Variants in MMRN1 observed in about 807,000 individuals in gnomAD.
MMRN1 encodes the protein multimerin 1, also known as multimerin-1.
A neutral mutation model predicts 100.7 loss-of-function variants in MMRN1; 94 were observed. The observed-to-expected ratio is 0.93, with a 90% CI of 0.79 to 1.11. The LOEUF is 1.11. Among genes scored for constraint, MMRN1 ranks in the 50% least tolerant of loss-of-function variants. The pLI is 0.00. For missense variants in MMRN1, 1,606 were observed against 1,439.1 expected (o/e 1.12, Z -1.88); for synonymous variants, 575 against 505.0 (o/e 1.14, Z -1.86).
chr4:89,935,548 A>C lies in MMRN1; in HGVS notation c.1868A>C (p.Glu623Ala), dbSNP rs1326769111. 1 of 1,613,266 alleles carries C rather than the reference A, an allele frequency of 6.2e-7. No homozygotes were observed. The highest frequency in any genetic ancestry group is 8.5e-7 in the Non-Finnish European group (1 of 1,179,678). Residue 623 changes from glutamate (E) to alanine (A), a missense_variant, in exon 6 of 8, where the codon GAA (glutamate) becomes GCA (alanine). Physicochemically the swap from Glu to Ala is moderately radical, Grantham distance 107. Transcript: ENST00000264790. ...CATGTGTTAAATCAAACATTGGCTG[A>C]AGTTCTCTTTCCAATGGACAATAAG... ...NLHVLNQTLA[E>A]VLFPMDNKMD...
At chr4:89,946,005 A>AT (rs1722974331) in intron 6 of MMRN1, among the ~76,000 whole-genome samples, 1 of 152,246 alleles carries the variant, frequency 6.6e-6, no homozygotes, top group Non-Finnish European at 1.5e-5. Context: ...TGAAAACTTA[A>AT]TAAAAACAAA....
At chr4:89,905,273 G>T (rs1721529154) in intron 1 of MMRN1, among the ~76,000 whole-genome samples, 1 of 151,300 alleles carries the variant, frequency 6.6e-6, no homozygotes, top group Admixed American at 6.6e-5. Context: ...GTTTTGTTTG[G>T]TTGTATTTTC....
chr4:89,895,738 T>C (rs1032128133), intron 1 of MMRN1, 144 bp downstream of exon 1: 5 of 1,374,506 alleles, frequency 3.6e-6, no homozygotes, highest in Non-Finnish European at 2.9e-6. Flanking sequence ...TTCAGTTAGA[T>C]AAAGTTATTG....
At chr4:89,931,073 A>G (rs560446317) in intron 5 of MMRN1, among the ~76,000 whole-genome samples, 22 of 152,206 alleles carry the variant, frequency 1.4e-4, no homozygotes, top group African/African-American at 5.3e-4. Context: ...TTTCCATTAC[A>G]TACAAATTGA....
Position 89,921,828 on chromosome 4 carries a change from C to A in MMRN1, c.851-1340C>A, listed in dbSNP as rs562082412. 7.2e-5 allele frequency among the ~76,000 whole-genome samples: 11 copies of A among 152,192 alleles called. No individual in the cohort carries two copies. In the South Asian group the frequency reaches 2.1e-3, roughly 29 times the overall value. ...CAATATAGACTCACCCAAATTAATGCCAAATATACTTCCTGTGGAGTAGAG... is the reference window on the plus strand; with the variant it reads ...CAATATAGACTCACCCAAATTAATGACAAATATACTTCCTGTGGAGTAGAG... On this transcript the variant is annotated intron_variant, in intron 3 of 7. Coordinates refer to ENST00000264790, the MANE Select transcript of MMRN1 (RefSeq NM_007351.3).
At chr4:89,938,942 C>T (rs953635666) in intron 6 of MMRN1, among the ~76,000 whole-genome samples, 2 of 151,966 alleles carry the variant, frequency 1.3e-5, no homozygotes, top group Non-Finnish European at 2.9e-5. Context: ...GCCGGGCCAG[C>T]AACATAATGT....
upstream of MMRN1, among the ~76,000 whole-genome samples, chr4:89,890,126 A>G (rs1721018577): frequency 6.6e-6 from 1 of 151,818 alleles, no homozygotes; most frequent in Non-Finnish European, 1.5e-5. Flanking sequence ...GACTACCCCA[A>G]CAGAAGAATG....
chr4:89,880,548 T>C (rs1720794358), intron 1 of MMRN1, among the ~76,000 whole-genome samples: 1 of 152,122 alleles, frequency 6.6e-6, no homozygotes, highest in Non-Finnish European at 1.5e-5. Context: ...GAAGGCTCTG[T>C]GGTGCTTAGA....
intron 1 of MMRN1, among the ~76,000 whole-genome samples, chr4:89,887,205 T>C (rs539259976): frequency 6.6e-6 from 1 of 152,218 alleles, no homozygotes; most frequent in East Asian, 1.9e-4. Context: ...AGGATCAATA[T>C]TGTTAAAGTG....
chr4:89,943,436 A>G (rs1274945750), intron 6 of MMRN1, among the ~76,000 whole-genome samples: 2 of 152,180 alleles, frequency 1.3e-5, no homozygotes, highest in Non-Finnish European at 2.9e-5. Context: ...ACTTTCCTAG[A>G]TGGATGCTAC....
At chr4:89,903,510 G>C (rs962320187) in intron 1 of MMRN1, among the ~76,000 whole-genome samples, 1 of 151,722 alleles carries the variant, frequency 6.6e-6, no homozygotes, top group Non-Finnish European at 1.5e-5. Context: ...CAAAACAGGA[G>C]CTGTGTTTCT....
In MMRN1 at chr4:89,951,760, A is replaced by C; in HGVS notation, c.3265+9A>C. 1 of 1,611,202 alleles carries C rather than the reference A, an allele frequency of 6.2e-7. No homozygotes were observed. Among genetic ancestry groups the C allele is most frequent in the Non-Finnish European group, 8.5e-7 (1 of 1,178,912 alleles). ...AAATGCTTTAGCTCCAGGTAAAAAA[A>C]AAGTATACGCATCTTTGGATTTGCT... On this transcript the variant is annotated intron_variant, in intron 7 of 7. Coordinates refer to ENST00000264790, the MANE Select transcript of MMRN1 (RefSeq NM_007351.3).
chr4:89,900,342 G>A (rs1335087866), intron 1 of MMRN1, among the ~76,000 whole-genome samples: 2 of 152,008 alleles, frequency 1.3e-5, no homozygotes, highest in East Asian at 3.9e-4. Context: ...AACATGTCAA[G>A]TTAATATCTC....
intron 7 of MMRN1, among the ~76,000 whole-genome samples, chr4:89,952,607 T>C (rs1349398048): frequency 1.3e-5 from 2 of 152,218 alleles, no homozygotes; most frequent in African/African-American, 4.8e-5. Context: ...TTCTACATCA[T>C]GTCAGCTTCA....
At chr4:89,912,136 C>A in intron 3 of MMRN1, 86 bp downstream of exon 3, 1 of 951,736 alleles carries the variant, frequency 1.1e-6, no homozygotes, top group Non-Finnish European at 1.5e-6. Flanking sequence ...CCTTTTGAAC[C>A]AAGGTAAATT....
At chr4:89,931,580 G>C (rs1722435590) in intron 5 of MMRN1, among the ~76,000 whole-genome samples, 1 of 152,078 alleles carries the variant, frequency 6.6e-6, no homozygotes, top group South Asian at 2.1e-4. Context: ...AATTTATATA[G>C]AAAAAGAGGT....
chr4:89,929,013 A>T (rs144288518), intron 5 of MMRN1, among the ~76,000 whole-genome samples: 2 of 152,214 alleles, frequency 1.3e-5, no homozygotes, highest in Non-Finnish European at 2.9e-5. Flanking sequence ...CACTTGCAAC[A>T]AATCCAATCT....
chr4:89,894,369 G>A (rs1013529538), upstream of MMRN1, among the ~76,000 whole-genome samples: 7 of 152,240 alleles, frequency 4.6e-5, no homozygotes, highest in South Asian at 2.1e-4. Flanking sequence ...GTAGATAGAT[G>A]TTTTATAATT....
upstream of MMRN1, among the ~76,000 whole-genome samples, chr4:89,893,974 C>T (rs1449306532): frequency 6.6e-6 from 1 of 152,070 alleles, no homozygotes; most frequent in African/African-American, 2.4e-5. Context: ...ATAGAAAACT[C>T]AGATAAATCT....
Sources: gnomAD v4.1 joint callset for allele counts (sites outside exome capture counted in the v4.1 genomes callset) on GRCh38, gnomAD v4.1.1 for gene constraint, MANE v1.5 for transcripts, NCBI Gene and HGNC (gene_info 2026-07-23, HGNC 2026-07-21) for gene names.